ZNF266: variants seen among roughly 807,000 people sequenced by gnomAD.
The protein encoded by ZNF266 is zinc finger protein 1.
In ZNF266, 16 loss-of-function variants were observed where a neutral mutation model predicts 16.4. That is an observed-to-expected ratio of 0.98 (90% CI 0.66 to 1.48). The LOEUF (loss-of-function observed/expected upper bound fraction) is 1.48, where lower values mean the gene tolerates loss of function less well. Among genes scored for constraint, ZNF266 ranks in the 40% most tolerant of loss-of-function variants. ZNF266 has a pLI of 0.00. For synonymous variants in ZNF266, 262 were observed against 237.9 expected (o/e 1.10, Z -0.93); for missense variants, 738 against 689.1 (o/e 1.07, Z -0.79).
At chr19:9,418,428 A>G in intron 8 of ZNF266, 77 bp downstream of exon 8, 4 of 1,474,044 alleles carry the variant, frequency 2.7e-6, no homozygotes, top group Non-Finnish European at 9.5e-7. Flanking sequence ...CAGAGTTGCT[A>G]TCTCTGATGT....
intron 9 of ZNF266, among the ~76,000 whole-genome samples, chr19:9,417,109 GC>G (rs113421203): frequency 0.56 from 85,217 of 151,740 alleles, 24,167 homozygotes; most frequent in Middle Eastern, 0.63. Context: ...GGTGGCTCAT[GC>G]CTGTAATCCC....
Position 9,414,293 on chromosome 19 carries a change from G to A in ZNF266, c.833C>T (p.Pro278Leu). 6.2e-7 allele frequency: 1 copy of A among 1,614,054 alleles called. No homozygotes were observed. Among genetic ancestry groups the A allele is most frequent in the African/African-American group, 1.3e-5 (1 of 75,004 alleles). Reference protein sequence around the residue: ...VRIQTHRSEKPYKCKECGKGF... With the variant: ...VRIQTHRSEKLYKCKECGKGF... ...TTTTCCACATTCCTTACATTTGTAG[G>A]GTTTTTCTGACCTGTGAGTTTGTAT... The change falls in exon 11 of 11, where the codon CCC (proline) becomes CTC (leucine). Residue 278 changes from proline (P) to leucine (L), a missense_variant. Physicochemically the swap from Pro to Leu is moderately conservative, Grantham distance 98. Transcript: ENST00000592904.
chr19:9,417,800 A>G lies in ZNF266; in HGVS notation c.316+28T>C, dbSNP rs749481324. On this transcript the variant is annotated intron_variant, in intron 9 of 10. Coordinates refer to ENST00000592904, the MANE Select transcript of ZNF266 (RefSeq NM_001370374.1). ...ACTTATAAACATACTGAACTTATTG[A>G]CCAGGGCGGTCCTTTGTGAACACTC... is the stretch of plus-strand genomic sequence containing the variant. 9 of 1,595,746 alleles carry G rather than the reference A, an allele frequency of 5.6e-6. No individual in the cohort carries two copies. In the South Asian group the frequency reaches 9.9e-5, roughly 18 times the overall value.
intron 3 of ZNF266, 72 bp from the exon 4 acceptor site, chr19:9,434,307 A>C (rs2072107738): frequency 6.6e-6 from 1 of 152,188 alleles, no homozygotes; most frequent in African/African-American, 2.4e-5. Context: ...AATTTGTAAT[A>C]CACTTATTTG....
At chr19:9,426,489 AC>A (rs201695381) in intron 5 of ZNF266, among the ~76,000 whole-genome samples, 2 of 98,668 alleles carry the variant, frequency 2.0e-5, no homozygotes, top group Admixed American at 1.0e-4. Flanking sequence ...AAAGTCTAAG[AC>A]CAAAAAAAAA....
At chr19:9,415,480 G>A (rs146121700) in intron 10 of ZNF266, among the ~76,000 whole-genome samples, 174 bp downstream of exon 10, 79 of 152,102 alleles carry the variant, frequency 5.2e-4, no homozygotes, top group Middle Eastern at 3.4e-3. Flanking sequence ...ATCTTGCTAC[G>A]TTGACCAGGC....
chr19:9,414,610 T>C lies in ZNF266; in HGVS notation c.516A>G (p.Thr172=), dbSNP rs1350865238. 18 of 1,612,270 alleles carry C rather than the reference T, an allele frequency of 1.1e-5. No homozygotes were observed. The highest frequency in any genetic ancestry group is 2.2e-5 in the East Asian group (1 of 44,810). ...CTACTCCATACAGATAACACTCAAA[T>C]GTGTTCTCACTATTTTGAGTTCTCA... The part of the protein sequence containing the change: ...THVRTQNSEN[T]FECYLYGVDF... The change falls in exon 11 of 11, where the codon ACA becomes ACG. Residue 172 remains threonine (T), a synonymous_variant. Coordinates refer to ENST00000592904, the MANE Select transcript of ZNF266 (RefSeq NM_001370374.1).
intron 8 of ZNF266, 150 bp downstream of exon 8, chr19:9,418,355 G>T: frequency 1.2e-6 from 1 of 808,654 alleles, no homozygotes; most frequent in East Asian, 2.6e-5. Flanking sequence ...CACATTTTGA[G>T]AATCACCAAG....
At position 9,413,772 on chromosome 19, in the gene ZNF266, A is replaced by G; in HGVS notation, c.1354T>C (p.Cys452Arg). ...GAGGATCTGGCAAAGGCCTTTCCAC[A>G]TTCCTTACATTCATAGGGCCTCTCT... The part of the protein sequence containing the change: ...SGERPYECKE[C>R]GKAFARSSRL... The change falls in exon 11 of 11, where the codon TGT (cysteine) becomes CGT (arginine). Residue 452 changes from cysteine to arginine, a missense_variant. By Grantham distance (180) the Cys-to-Arg change is radical. Transcript: ENST00000592904. 6.2e-7 allele frequency: 1 copy of G among 1,614,180 alleles called. No individual in the cohort carries two copies. The highest frequency in any genetic ancestry group is 8.5e-7 in the Non-Finnish European group (1 of 1,180,034).
chr19:9,426,516 A>C (rs1280614678), intron 5 of ZNF266, among the ~76,000 whole-genome samples: 1 of 151,628 alleles, frequency 6.6e-6, no homozygotes, highest in Non-Finnish European at 1.5e-5. Flanking sequence ...AAAAGCCTCG[A>C]GATTTAGGAG....
chr19:9,417,713 A>C lies in ZNF266; in HGVS notation c.316+115T>G, dbSNP rs2069268366. 3.7e-6 allele frequency: 3 copies of C among 807,690 alleles called. No homozygotes were observed. The African/African-American group carries it at 5.2e-5, about 14-fold the overall frequency. The allele number at this position is 807,690 out of a possible 1,614,324, so 50.0% of individuals were successfully genotyped here. A position where few individuals can be genotyped will look rare whatever the true frequency, so the allele number is the denominator to read the frequency against. On this transcript the variant is annotated intron_variant, in intron 9 of 10. Transcript: ENST00000592904. ...CAGTGAGCTGAGACTGTGCCACGGC[A>C]CTCCAGCCTGGGTGACAGAGTGAGA...
In ZNF266 at chr19:9,413,604, A is replaced by AT; in HGVS notation, c.1521dup (p.Cys508MetfsTer3). ...GAGGAATGCGTAAATGCTTTACCACATTCCAGGCACTCAAAGGGCTTCTCT... is the reference window on the plus strand; with the variant it reads ...GAGGAATGCGTAAATGCTTTACCACATTTCCAGGCACTCAAAGGGCTTCTCT... On this transcript the variant is annotated frameshift_variant, in exon 11 of 11. Coordinates refer to ENST00000592904, the MANE Select transcript of ZNF266 (RefSeq NM_001370374.1). LOFTEE classifies it low-confidence loss of function (END_TRUNC). The AT allele has an allele frequency of 6.2e-7, 1 of 1,614,214 alleles. No individual in the cohort carries two copies. Among genetic ancestry groups the AT allele is most frequent in the Non-Finnish European group, 8.5e-7 (1 of 1,180,038 alleles).
chr19:9,415,154 G>A (rs1387969671), intron 10 of ZNF266, among the ~76,000 whole-genome samples: 1 of 152,196 alleles, frequency 6.6e-6, no homozygotes, highest in East Asian at 1.9e-4. Context: ...AACTAGCCGG[G>A]CATGGTGGCA....
At position 9,413,286 on chromosome 19, in the gene ZNF266, G is replaced by A; in HGVS notation, c.1840C>T (p.Leu614=). The A allele has an allele frequency of 6.3e-7, 1 of 1,585,824 alleles. No homozygotes were observed. Residue 614 remains leucine, a synonymous_variant, in exon 11 of 11, where the codon CTG becomes TTG. Coordinates refer to ENST00000592904, the MANE Select transcript of ZNF266 (RefSeq NM_001370374.1). ...NHERRHADER[L]SA Reference sequence around the variant, plus strand: ...TTTTCCCACATTCCTTATGCTGACAGTCTCTCATCCGCATGCCTTCTTTCA... The same window carrying A: ...TTTTCCCACATTCCTTATGCTGACAATCTCTCATCCGCATGCCTTCTTTCA...
chr19:9,413,420 C>A lies in ZNF266; in HGVS notation c.1706G>T (p.Ser569Ile). The change falls in exon 11 of 11, where the codon AGT (serine) becomes ATT (isoleucine). Residue 569 changes from serine (S) to isoleucine (I), a missense_variant. By Grantham distance (142) the Ser-to-Ile change is moderately radical. Transcript: ENST00000592904. ...YKCKQCGKSF[S>I]YSNSFQLHER... is the part of the protein sequence containing the mutation. Reference sequence around the variant, plus strand: ...ATGTAACTGAAACGAATTGGAGTAACTGAAGGATTTCCCACACTGTTTACA... The same window carrying A: ...ATGTAACTGAAACGAATTGGAGTAAATGAAGGATTTCCCACACTGTTTACA... 6.2e-7 allele frequency: 1 copy of A among 1,612,834 alleles called. No homozygotes were observed. The highest frequency in any genetic ancestry group is 8.5e-7 in the Non-Finnish European group (1 of 1,179,686).
At chr19:9,432,792 A>ATCC (rs58183109) in intron 5 of ZNF266, among the ~76,000 whole-genome samples, 1 of 29,470 alleles carries the variant, frequency 3.4e-5, no homozygotes, top group Non-Finnish European at 8.1e-5. Flanking sequence ...GGTGGGTTAA[A>ATCC]ACAAATAAAT....
At chr19:9,432,073 A>C (rs2071687515) in intron 5 of ZNF266, among the ~76,000 whole-genome samples, 1 of 152,104 alleles carries the variant, frequency 6.6e-6, no homozygotes, top group Non-Finnish European at 1.5e-5. Context: ...CTCCTGCCTC[A>C]GTCTCTCAAG....
intron 4 of ZNF266, 56 bp from the exon 5 acceptor site, chr19:9,433,842 C>T (rs2072020342): frequency 6.6e-6 from 1 of 151,770 alleles, no homozygotes; most frequent in Non-Finnish European, 1.5e-5. Flanking sequence ...GTGGCGCACA[C>T]TTGTAATCCC....
At position 9,413,807 on chromosome 19, in the gene ZNF266, G is replaced by A. The variant is rs1465108444; in HGVS notation, c.1319C>T (p.Thr440Ile). ...QNSDLTKHAR[T>I]HSGERPYECK... ...TTCATAGGGCCTCTCTCCACTGTGAGTTCGTGCATGCTTAGTAAGGTCTGA... is the reference window on the plus strand; with the variant it reads ...TTCATAGGGCCTCTCTCCACTGTGAATTCGTGCATGCTTAGTAAGGTCTGA... The change falls in exon 11 of 11, where the codon ACT becomes ATT. Residue 440 changes from threonine to isoleucine, a missense_variant. Coordinates refer to ENST00000592904, the MANE Select transcript of ZNF266 (RefSeq NM_001370374.1). 2.5e-6 allele frequency: 4 copies of A among 1,614,110 alleles called. No homozygotes were observed. The highest frequency in any genetic ancestry group is 2.2e-5 in the East Asian group (1 of 44,864).
Sources: gnomAD v4.1 joint callset for allele counts (sites outside exome capture counted in the v4.1 genomes callset) on GRCh38, gnomAD v4.1.1 for gene constraint, MANE v1.5 for transcripts, NCBI Gene and HGNC (gene_info 2026-07-23, HGNC 2026-07-21) for gene names.